The following KHNYN variants were observed in gnomAD, a reference collection of about 807,000 sequenced individuals.
KHNYN encodes the protein KH and NYN domain containing, also known as protein KHNYN.
KHNYN carries 42 observed loss-of-function variants against 62.7 expected under a neutral mutation model. The observed-to-expected ratio is 0.67, with a 90% CI of 0.52 to 0.87. The LOEUF is 0.87. KHNYN is among the 40% of genes least tolerant of loss of function. The pLI, the probability that KHNYN is intolerant of heterozygous loss-of-function variation, is 0.00. For missense variants in KHNYN, 829 were observed against 874.1 expected (o/e 0.95, Z 0.65); for synonymous variants, 347 against 345.6 (o/e 1.00, Z -0.04).
At chr14:24,424,396 T>C (rs903028819), upstream of KHNYN, among the ~76,000 whole-genome samples, 2 of 152,262 alleles carry the variant, frequency 1.3e-5, no homozygotes, top group African/African-American at 4.8e-5. Flanking sequence ...AGTGGTATTG[T>C]AGCTGCATGC....
At chr14:24,429,807 C>G, upstream of KHNYN, 2 of 1,074,682 alleles carry the variant, frequency 1.9e-6, no homozygotes, top group South Asian at 2.3e-5. Flanking sequence ...GTGAGAAGCG[C>G]AAGGGGCGAG....
At chr14:24,428,095 G>C (rs1206364144), upstream of KHNYN, 6 of 1,355,194 alleles carry the variant, frequency 4.4e-6, no homozygotes, top group African/African-American at 1.4e-5. Context: ...GCTCTCCCGG[G>C]AGGGCTGAGG....
rs2043199733 is a variant in KHNYN, at chr14:24,436,087, G to A, written c.1593G>A (p.Leu531=). 2.5e-6 allele frequency: 4 copies of A among 1,614,132 alleles called. No individual in the cohort carries two copies. Among genetic ancestry groups the A allele is most frequent in the Non-Finnish European group, 3.4e-6 (4 of 1,180,020 alleles). Residue 531 remains leucine (L), a synonymous_variant, in exon 6 of 8, where the codon CTG becomes CTA. Coordinates refer to ENST00000553935, the MANE Select transcript of KHNYN (RefSeq NM_015299.3). ...TTGGAGACAGGTTCATGGTGAAGCTGGCTGAAGAGACAGATGGGATAATTG... is the reference window on the plus strand; with the variant it reads ...TTGGAGACAGGTTCATGGTGAAGCTAGCTGAAGAGACAGATGGGATAATTG... ...SSYDDRFMVK[L]AEETDGIIVS...
rs541190950 is a variant in KHNYN, at chr14:24,431,516, G to A, written c.255G>A (p.Pro85=). ...AACTGCAGGATGAAATCCACTACCC[G>A]CCCAAACTGCACTGCATCTTTCTGG... ...SPELQDEIHY[P]PKLHCIFLGA... is the part of the protein sequence containing the mutation. The change falls in exon 3 of 8, where the codon CCG becomes CCA. Residue 85 remains proline, a synonymous_variant. Coordinates refer to ENST00000553935, the MANE Select transcript of KHNYN (RefSeq NM_015299.3). 3.1e-6 allele frequency: 5 copies of A among 1,602,862 alleles called. No homozygotes were observed. Among genetic ancestry groups the A allele is most frequent in the African/African-American group, 1.3e-5 (1 of 74,854 alleles).
In KHNYN at chr14:24,440,756, T is replaced by TGTC. The variant is rs775416337; in HGVS notation, c.*3472_*3474dup. On this transcript the variant is annotated 3_prime_UTR_variant, in exon 8 of 8. Coordinates refer to ENST00000553935, the MANE Select transcript of KHNYN (RefSeq NM_015299.3). ...CAGCCCAGAGAAGACATTCCAACCC[T>TGTC]GTCTGATACCCAGGCCCGTTTCTCA... The TGTC allele has an allele frequency of 6.2e-7, 1 of 1,611,590 alleles. No individual in the cohort carries two copies. The highest frequency in any genetic ancestry group is 8.5e-7 in the Non-Finnish European group (1 of 1,178,486).
chr14:24,437,094 C>T lies in KHNYN; in HGVS notation c.1846C>T (p.Gln616Ter). The change falls in exon 8 of 8, where the codon CAG (glutamine) becomes TAG (stop). Residue 616 changes from glutamine to a stop codon, truncating the protein, a stop_gained. Coordinates refer to ENST00000553935, the MANE Select transcript of KHNYN (RefSeq NM_015299.3). LOFTEE classifies it high-confidence loss of function. This position sits in a 1 kb window ranked among gnomAD's most constrained non-coding sequence, Gnocchi z 5.5. ...PSRGFAEHGK[Q>*]QQGREEEKGS... ...CAGGGGCTTTGCAGAACATGGTAAACAGCAGCAGGGGAGAGAAGAGGAAAA... is the reference window on the plus strand; with the variant it reads ...CAGGGGCTTTGCAGAACATGGTAAATAGCAGCAGGGGAGAGAAGAGGAAAA... The T allele has an allele frequency of 6.2e-7, 1 of 1,614,192 alleles. No homozygotes were observed. Among genetic ancestry groups the T allele is most frequent in the Non-Finnish European group, 8.5e-7 (1 of 1,180,040 alleles).
At chr14:24,430,402 A>AG in intron 1 of KHNYN, 1 of 1,144,672 alleles carries the variant, frequency 8.7e-7, no homozygotes, top group Middle Eastern at 3.7e-4. Flanking sequence ...AGAGTGCCCC[A>AG]GGAGACTCCT....
At chr14:24,423,743 A>G in the KHNYN span, among the ~76,000 whole-genome samples, 1 of 152,220 alleles carries the variant, frequency 6.6e-6, no homozygotes, top group African/African-American at 2.4e-5. Context: ...TTAGATCCAC[A>G]TTGAATCCTT....
upstream of KHNYN, chr14:24,428,940 C>T (rs780458725): frequency 8.4e-6 from 13 of 1,554,646 alleles, no homozygotes; most frequent in Middle Eastern, 1.7e-4. Context: ...TCCAGCAGGA[C>T]GGGCTCTGAC....
At chr14:24,423,350 G>A in the KHNYN span, among the ~76,000 whole-genome samples, 11 of 152,306 alleles carry the variant, frequency 7.2e-5, no homozygotes, top group African/African-American at 2.6e-4. Context: ...AGAAAGGAGA[G>A]TGACAGATGA....
chr14:24,423,355 AG>A, the KHNYN span, among the ~76,000 whole-genome samples: 1 of 152,182 alleles, frequency 6.6e-6, no homozygotes, highest in East Asian at 1.9e-4. Context: ...GGAGAGTGAC[AG>A]ATGACAGGAT....
rs1242181531 is a variant in KHNYN, at chr14:24,440,237, G to A, written c.*2952G>A. The A allele has an allele frequency of 1.1e-5, 17 of 1,613,804 alleles. No homozygotes were observed. Among genetic ancestry groups the A allele is most frequent in the Non-Finnish European group, 1.4e-5 (17 of 1,179,786 alleles). On this transcript the variant is annotated 3_prime_UTR_variant, in exon 8 of 8. Transcript: ENST00000553935. The stretch of plus-strand genomic sequence containing the variant: ...AGCTTGCACCACAGCGCTGGGGAGA[G>A]GGATGAAGGCTCGGCGGCCCAGGGC...
chr14:24,431,852 G>T lies in KHNYN; in HGVS notation c.591G>T (p.Ala197=), dbSNP rs369729218. The T allele has an allele frequency of 4.3e-6, 7 of 1,613,966 alleles. No individual in the cohort carries two copies. Among genetic ancestry groups the T allele is most frequent in the Non-Finnish European group, 5.9e-6 (7 of 1,180,042 alleles). The change falls in exon 3 of 8, where the codon GCG becomes GCT. Residue 197 remains alanine, a synonymous_variant. Coordinates refer to ENST00000553935, the MANE Select transcript of KHNYN (RefSeq NM_015299.3). ...AGCTGCTGAGTCTGGTGCAGGAGGC[G>T]TCTAGTGGGCAGGGGCCAGGAGCAC... ...QEELLSLVQE[A]SSGQGPGALA...
chr14:24,434,828 T>C (rs1427817175), intron 5 of KHNYN, among the ~76,000 whole-genome samples: 2 of 152,166 alleles, frequency 1.3e-5, no homozygotes, highest in Admixed American at 6.5e-5. Context: ...TACTGACTGC[T>C]CACTTAGTAC....
At chr14:24,425,020 C>A (rs1037418504), upstream of KHNYN, among the ~76,000 whole-genome samples, 1 of 152,030 alleles carries the variant, frequency 6.6e-6, no homozygotes, top group Non-Finnish European at 1.5e-5. Flanking sequence ...GACAACATGG[C>A]GAAACCCCAT....
In KHNYN at chr14:24,432,043, A is replaced by C. The variant is rs3742520; in HGVS notation, c.782A>C (p.Lys261Thr). ...TACGCTGTGGAGAAGGAGGGAGGGA[A>C]ACAGGGTGGTCCCAGGGAGATGGAT... ...DTYAVEKEGG[K>T]QGGPREMDWG... is the part of the protein sequence containing the mutation. The change falls in exon 3 of 8, where the codon AAA becomes ACA. Residue 261 changes from lysine (K) to threonine (T), a missense_variant. Lys to Thr is a moderately conservative substitution (Grantham distance 78). Transcript: ENST00000553935. The surrounding 1 kb of genome is among the most constrained non-coding windows in gnomAD (Gnocchi z 5.6). 0.52 allele frequency: 829,281 copies of C among 1,598,054 alleles called. 223,049 individuals are homozygous for C. Among genetic ancestry groups the C allele is most frequent in the Admixed American group, 0.6 (35,629 of 58,974 alleles).
chr14:24,436,572 G>T, intron 7 of KHNYN, 83 bp downstream of exon 7: 3 of 1,036,824 alleles, frequency 2.9e-6, no homozygotes, highest in Non-Finnish European at 4.3e-6. Context: ...GTGGAAGTGT[G>T]ACCTCAGTTT....
chr14:24,434,035 C>CA (rs1198246031), intron 5 of KHNYN: 15 of 527,982 alleles, frequency 2.8e-5, no homozygotes, highest in African/African-American at 6.1e-5. Context: ...TATTCCTTAA[C>CA]AAGCAAATGG....
chr14:24,429,078 A>G, upstream of KHNYN: 1 of 1,469,588 alleles, frequency 6.8e-7, no homozygotes, highest in Non-Finnish European at 9.0e-7. Flanking sequence ...TGCAACCCAC[A>G]AGTGCCCCGG....
Sources: gnomAD v4.1 joint callset for allele counts (sites outside exome capture counted in the v4.1 genomes callset) on GRCh38, gnomAD v4.1.1 for gene constraint, Gnocchi (gnomAD v3.1) non-coding constraint, MANE v1.5 for transcripts, NCBI Gene and HGNC (gene_info 2026-07-23, HGNC 2026-07-21) for gene names.